Variants in ALPK1 observed in about 807,000 individuals in gnomAD.
The protein encoded by ALPK1 is alpha-protein kinase 1.
ALPK1 carries 110 observed loss-of-function variants against 120.6 expected under a neutral mutation model. The ratio of observed to expected loss-of-function variants is 0.91; its 90% CI spans 0.78 to 1.07. The LOEUF (loss-of-function observed/expected upper bound fraction) is 1.07. ALPK1 is among the 50% of genes least tolerant of loss of function. The pLI is 0.00. For missense variants in ALPK1, 1,498 were observed against 1,483.9 expected (o/e 1.01, Z -0.16); for synonymous variants, 582 against 560.3 (o/e 1.04, Z -0.55).
intron 4 of ALPK1, among the ~76,000 whole-genome samples, chr4:112,402,897 C>T (rs887570406): frequency 6.6e-6 from 1 of 152,134 alleles, no homozygotes; most frequent in Admixed American, 6.5e-5. Flanking sequence ...TTTTTGAGTC[C>T]TCTGTGATGG....
At chr4:112,330,369 A>G (rs181425152) in intron 2 of ALPK1, among the ~76,000 whole-genome samples, 2 of 152,344 alleles carry the variant, frequency 1.3e-5, no homozygotes, top group East Asian at 1.9e-4. Context: ...AGCCTAAGCT[A>G]TAAAGGTAAT....
intron 11 of ALPK1, 106 bp downstream of exon 11, chr4:112,432,687 C>T: frequency 2.0e-6 from 2 of 998,470 alleles, no homozygotes; most frequent in East Asian, 2.4e-5. Flanking sequence ...AGGTATAGAA[C>T]CCTGGTATGC....
chr4:112,361,716 C>A (rs1344553089), intron 2 of ALPK1, among the ~76,000 whole-genome samples: 1 of 152,234 alleles, frequency 6.6e-6, no homozygotes, highest in Non-Finnish European at 1.5e-5. Flanking sequence ...AAGCTTGTAT[C>A]CTCCCTATAC....
At chr4:112,423,239 A>G (rs1436038978) in intron 5 of ALPK1, among the ~76,000 whole-genome samples, 1 of 152,218 alleles carries the variant, frequency 6.6e-6, no homozygotes, top group Non-Finnish European at 1.5e-5. Flanking sequence ...AGCGTTACAC[A>G]CTGAAATAAT....
At chr4:112,335,747 A>C (rs1729589541) in intron 2 of ALPK1, among the ~76,000 whole-genome samples, 2 of 152,204 alleles carry the variant, frequency 1.3e-5, no homozygotes, top group South Asian at 4.1e-4. Flanking sequence ...TGACCTAGTT[A>C]AATCTAGGCA....
Position 112,411,857 on chromosome 4 carries a change from G to A in ALPK1, c.307G>A (p.Asp103Asn), listed in dbSNP as rs775879914. The part of the protein sequence containing the change: ...ASLRASILAR[D>N]CAAAAAIVFL... ...CCTGAGGGCCTCCATCCTCGCTCGG[G>A]ACTGTGCGGCTGCGGCGGCTATTGT... Residue 103 changes from aspartate (D) to asparagine (N), a missense_variant, in exon 5 of 16, where the codon GAC becomes AAC. Coordinates refer to ENST00000650871, the MANE Select transcript of ALPK1 (RefSeq NM_025144.4). 6.2e-7 allele frequency: 1 copy of A among 1,613,536 alleles called. No individual in the cohort carries two copies. Among genetic ancestry groups the A allele is most frequent in the Non-Finnish European group, 8.5e-7 (1 of 1,179,858 alleles).
intron 2 of ALPK1, chr4:112,357,420 T>TTCA (rs1487364462): frequency 1.4e-6 from 1 of 694,254 alleles, no homozygotes; most frequent in Non-Finnish European, 2.6e-6. Flanking sequence ...CACCAGAGGG[T>TTCA]GGTTCAGCCA....
chr4:112,398,999 A>G (rs2148739770), intron 4 of ALPK1, among the ~76,000 whole-genome samples: 1 of 152,368 alleles, frequency 6.6e-6, no homozygotes, highest in East Asian at 1.9e-4. Flanking sequence ...GGAAAAATAG[A>G]GTTCTGCTTT....
In ALPK1 at chr4:112,435,916, A is replaced by C. The variant is rs534166017; in HGVS notation, c.3188+615A>C. Among the ~76,000 whole-genome samples the C allele has an allele frequency of 2.6e-5, 4 of 152,362 alleles. No homozygotes were observed. In the South Asian group the frequency reaches 8.3e-4, roughly 32 times the overall value. ...AGGGTATCTTTGAAAACCCCACCCC[A>C]GTGAAGTAAATGCCTGGAAAGTTTT... On this transcript the variant is annotated intron_variant, in intron 12 of 15. Coordinates refer to ENST00000650871, the MANE Select transcript of ALPK1 (RefSeq NM_025144.4).
At chr4:112,337,652 A>G (rs1650201006) in intron 2 of ALPK1, among the ~76,000 whole-genome samples, 1 of 152,226 alleles carries the variant, frequency 6.6e-6, no homozygotes, top group Non-Finnish European at 1.5e-5. Flanking sequence ...ACAGTGAGCT[A>G]CAATCATGCC....
At chr4:112,414,485 G>A in intron 5 of ALPK1, 1 of 334,360 alleles carries the variant, frequency 3.0e-6, no homozygotes, top group South Asian at 2.2e-5. Flanking sequence ...GCAGCCGCCT[G>A]TAATCCCAGC....
chr4:112,302,894 A>T (rs1379622271), intron 1 of ALPK1, among the ~76,000 whole-genome samples: 1 of 152,164 alleles, frequency 6.6e-6, no homozygotes, highest in Non-Finnish European at 1.5e-5. Context: ...GCAATCTGGC[A>T]TTTGCCCTGA....
chr4:112,305,469 C>T (rs1728000995), intron 1 of ALPK1, among the ~76,000 whole-genome samples: 1 of 151,910 alleles, frequency 6.6e-6, no homozygotes, highest in Non-Finnish European at 1.5e-5. Context: ...CCTTCACATC[C>T]CTTGTAAGTT....
At chr4:112,354,250 C>T (rs780916921) in intron 2 of ALPK1, among the ~76,000 whole-genome samples, 1 of 151,398 alleles carries the variant, frequency 6.6e-6, no homozygotes. Flanking sequence ...TTTTTTCAAG[C>T]AATTAAAAAT....
At chr4:112,385,860 C>T (rs933898081) in intron 4 of ALPK1, among the ~76,000 whole-genome samples, 2 of 152,068 alleles carry the variant, frequency 1.3e-5, no homozygotes, top group Non-Finnish European at 2.9e-5. Flanking sequence ...CATGTTTTCT[C>T]TCTTTTTATA....
Position 112,435,169 on chromosome 4 carries a change from C to A in ALPK1, c.3056C>A (p.Ser1019Ter). ...CCAGGTGCTCTTTTGTTAAAATATT[C>A]AAAAAAATCTGAACTGTGGACGGCC... ...RAHSALLLKY[S>*]KKSELWTAQE... The change falls in exon 12 of 16, where the codon TCA (serine) becomes TAA (stop). Residue 1019 changes from serine to a stop codon, truncating the protein, a stop_gained. Coordinates refer to ENST00000650871, the MANE Select transcript of ALPK1 (RefSeq NM_025144.4). LOFTEE classifies it high-confidence loss of function. 1.3e-6 allele frequency: 2 copies of A among 1,598,650 alleles called. No individual in the cohort carries two copies. The highest frequency in any genetic ancestry group is 8.5e-7 in the Non-Finnish European group (1 of 1,176,026).
intron 2 of ALPK1, among the ~76,000 whole-genome samples, chr4:112,341,347 C>T (rs182473770): frequency 6.6e-6 from 1 of 152,218 alleles, no homozygotes; most frequent in African/African-American, 2.4e-5. Context: ...GCCTTCCTGA[C>T]AATTTCCCCA....
intron 2 of ALPK1, among the ~76,000 whole-genome samples, chr4:112,355,364 G>A (rs189936624): frequency 6.6e-6 from 1 of 152,284 alleles, no homozygotes; most frequent in Non-Finnish European, 1.5e-5. Flanking sequence ...AGGCCCACCC[G>A]GGCCAGTGGG....
At chr4:112,316,975 A>G (rs551035877) in intron 2 of ALPK1, among the ~76,000 whole-genome samples, 3 of 152,314 alleles carry the variant, frequency 2.0e-5, no homozygotes, top group South Asian at 4.1e-4. Context: ...TTAAACAACA[A>G]CAAAAAAACT....
Sources: allele counts gnomAD v4.1 joint callset (sites outside exome capture counted in the v4.1 genomes callset), GRCh38; gene constraint gnomAD v4.1.1; transcripts MANE v1.5; gene names NCBI Gene and HGNC (gene_info 2026-07-23, HGNC 2026-07-21).